PSME4: variants seen among roughly 807,000 people sequenced by gnomAD.
PSME4 encodes the protein proteasome activator subunit 4, also known as proteasome activator complex subunit 4.
PSME4 carries 89 observed loss-of-function variants against 253.9 expected under a neutral mutation model. The ratio of observed to expected loss-of-function variants is 0.35; its 90% confidence interval spans 0.30 to 0.42. The LOEUF is 0.42. Among genes scored for constraint, PSME4 ranks in the 10% least tolerant of loss-of-function variants. The pLI is 1.00. For synonymous variants in PSME4, 851 were observed against 759.2 expected, an observed-to-expected ratio of 1.12 and a Z score of -1.99; for missense variants, 2,014 against 2,195.2, an observed-to-expected ratio of 0.92 and a Z score of 1.65.
At chr2:53,934,357 G>C (rs1196692484) in intron 8 of PSME4, among the ~76,000 whole-genome samples, 4 of 152,134 alleles carry the variant, frequency 2.6e-5, no homozygotes, top group African/African-American at 9.7e-5. Flanking sequence ...AAAAATGTTA[G>C]ACATCGTGAA....
intron 2 of PSME4, among the ~76,000 whole-genome samples, chr2:53,948,823 TG>T (rs1159226455): frequency 6.6e-6 from 1 of 152,220 alleles, no homozygotes; most frequent in Admixed American, 6.5e-5. Context: ...GAATATTTAA[TG>T]TTTCCAGCAT....
rs1278806747 is a variant in PSME4 at position 53,897,949 on chromosome 2, C to A, written c.3527G>T (p.Arg1176Ile). The A allele has an allele frequency of 6.2e-7, 1 of 1,613,480 alleles. No homozygotes were observed. Among genetic ancestry groups the A allele is most frequent in the Non-Finnish European group, 8.5e-7 (1 of 1,179,462 alleles). ...IGIGLLSLLL[R>I]DDRVLPLRAI... ...ACGAAGAGGCAACACTCGGTCATCT[C>A]TCAGCAGTAGAGACAGAAGCCCAAT... Residue 1176 changes from arginine (R) to isoleucine (I), a missense_variant, in exon 31 of 47, where the codon AGA becomes ATA. Coordinates refer to ENST00000404125, the MANE Select transcript of PSME4 (RefSeq NM_014614.3).
At chr2:53,929,726 T>C (rs985573040) in intron 10 of PSME4, among the ~76,000 whole-genome samples, 3 of 152,038 alleles carry the variant, frequency 2.0e-5, no homozygotes. Context: ...TTATTAAAAA[T>C]AAAATCTTTG....
chr2:53,875,728 A>G lies in PSME4; in HGVS notation c.4843T>C (p.Tyr1615His). 6.2e-7 allele frequency: 1 copy of G among 1,613,100 alleles called. No homozygotes were observed. The highest frequency in any genetic ancestry group is 1.3e-5 in the African/African-American group (1 of 75,022). The change falls in exon 42 of 47, where the codon TAC (tyrosine) becomes CAC (histidine). Residue 1615 changes from tyrosine to histidine, a missense_variant. Tyr to His is a moderately conservative substitution (Grantham distance 83). Around this residue, in one of 4 missense-constraint regions of PSME4, gnomAD observed 403 missense variants for 556.1 expected, o/e 0.72. Transcript: ENST00000404125. ...TTTGCATCTCTTTTCAGTTCATCGT[A>G]GCTATTGTCATTTTCCACTGGGGCA... ...KIAPVENDNS[Y>H]DELKRDAKLC...
intron 41 of PSME4, among the ~76,000 whole-genome samples, chr2:53,882,906 AAAAT>A (rs1157830140): frequency 6.9e-6 from 1 of 145,484 alleles, no homozygotes; most frequent in Non-Finnish European, 1.5e-5. Context: ...AATACAAAAA[AAAAT>A]AAATAAATAA....
intron 17 of PSME4, among the ~76,000 whole-genome samples, chr2:53,921,891 G>A (rs2104452162): frequency 7.8e-6 from 1 of 128,012 alleles, no homozygotes; most frequent in East Asian, 2.5e-4. Context: ...CTGAAGTTTG[G>A]GCCAGGCGCG....
chr2:53,968,563 C>G (rs1336350873), intron 1 of PSME4, among the ~76,000 whole-genome samples: 1 of 152,134 alleles, frequency 6.6e-6, no homozygotes, highest in Non-Finnish European at 1.5e-5. Flanking sequence ...GAAAAAAACA[C>G]ACCCAAGATC....
intron 32 of PSME4, 129 bp downstream of exon 32, chr2:53,896,675 A>G (rs1281617999): frequency 2.9e-6 from 2 of 678,080 alleles, no homozygotes; most frequent in Admixed American, 5.0e-5. Context: ...TTCCTTCATA[A>G]TATTATTTAT....
intron 4 of PSME4, among the ~76,000 whole-genome samples, chr2:53,938,772 C>T (rs181150343): frequency 7.9e-5 from 12 of 152,212 alleles, no homozygotes; most frequent in African/African-American, 2.9e-4. Context: ...CTGCAATCTT[C>T]TATGTGAAAA....
chr2:53,961,814 T>G (rs936768684), intron 1 of PSME4, among the ~76,000 whole-genome samples: 1 of 152,196 alleles, frequency 6.6e-6, no homozygotes, highest in South Asian at 2.1e-4. Flanking sequence ...GCCAGCAGTT[T>G]TGCCAGGAGA....
At chr2:53,895,147 T>G in intron 33 of PSME4, 71 bp from the exon 34 acceptor site, 1 of 1,370,690 alleles carries the variant, frequency 7.3e-7, no homozygotes, top group South Asian at 1.3e-5. Flanking sequence ...TAGAAAGCAT[T>G]AGAAGGCACT....
At chr2:53,952,342 A>G (rs555574320) in intron 1 of PSME4, among the ~76,000 whole-genome samples, 1 of 152,278 alleles carries the variant, frequency 6.6e-6, no homozygotes, top group South Asian at 2.1e-4. Context: ...AGAGATGGAG[A>G]CCATCCTGGC....
chr2:53,894,855 G>C (rs1262014727), intron 34 of PSME4, 152 bp downstream of exon 34: 1 of 644,224 alleles, frequency 1.6e-6, no homozygotes, highest in East Asian at 2.8e-5. Flanking sequence ...GAGGAGAATG[G>C]ATTACATAGT....
intron 37 of PSME4, among the ~76,000 whole-genome samples, chr2:53,889,699 G>A (rs945849112): frequency 4.3e-4 from 65 of 152,228 alleles, no homozygotes; most frequent in African/African-American, 1.5e-3. Context: ...GGACATATCT[G>A]GTATAAAAAA....
chr2:53,927,036 A>G (rs1166662882), intron 12 of PSME4, among the ~76,000 whole-genome samples: 1 of 152,166 alleles, frequency 6.6e-6, no homozygotes, highest in Non-Finnish European at 1.5e-5. Flanking sequence ...AAATGAATGA[A>G]GAAAATCTTT....
At chr2:53,917,901 A>G (rs1668129826) in intron 20 of PSME4, among the ~76,000 whole-genome samples, 1 of 152,238 alleles carries the variant, frequency 6.6e-6, no homozygotes. Context: ...AATGAAAAAC[A>G]AAAGTTCTTT....
chr2:53,882,527 C>T (rs530955886), intron 41 of PSME4, among the ~76,000 whole-genome samples: 1 of 152,210 alleles, frequency 6.6e-6, no homozygotes, highest in South Asian at 2.1e-4. Context: ...GTATCATTAT[C>T]CCCATTTTAC....
chr2:53,932,435 T>C (rs760099363), intron 9 of PSME4, among the ~76,000 whole-genome samples: 22 of 152,198 alleles, frequency 1.4e-4, no homozygotes, highest in Admixed American at 5.9e-4. Context: ...AAGGCATTTT[T>C]GTTACCATTT....
chr2:53,896,653 TAAGTC>T (rs1343884858), intron 32 of PSME4, 146 bp downstream of exon 32: 17 of 589,206 alleles, frequency 2.9e-5, no homozygotes, highest in Non-Finnish European at 4.7e-5. Flanking sequence ...TAGCTTTTAC[TAAGTC>T]AACTGTTTCC....
Sources: allele counts gnomAD v4.1 joint callset (sites outside exome capture counted in the v4.1 genomes callset), GRCh38; gene constraint gnomAD v4.1.1; regional missense constraint gnomAD v4.1.1; transcripts MANE v1.5; gene names NCBI Gene and HGNC (gene_info 2026-07-23, HGNC 2026-07-21).